Variants in KHDRBS2 observed in about 807,000 individuals in gnomAD.
KHDRBS2 encodes the protein KH RNA binding domain containing, signal transduction associated 2.
In KHDRBS2, 26 loss-of-function variants were observed where a neutral mutation model predicts 44.3. The observed-to-expected ratio is 0.59, with a 90% CI of 0.43 to 0.81. The LOEUF (loss-of-function observed/expected upper bound fraction) is 0.81, where lower values mean the gene tolerates loss of function less well. Ranked by LOEUF, KHDRBS2 falls within the 40% of genes least tolerant of loss-of-function variation. KHDRBS2 has a pLI of 0.00. For missense variants in KHDRBS2, 476 were observed against 433.1 expected, an observed-to-expected ratio of 1.10 and a Z score of -0.88; for synonymous variants, 194 against 151.1, an observed-to-expected ratio of 1.28 and a Z score of -2.08.
At chr6:61,627,301 T>C in the KHDRBS2 span, among the ~76,000 whole-genome samples, 886 of 149,860 alleles carry the variant, frequency 5.9e-3, 11 homozygotes, top group African/African-American at 0.02. Context: ...CTGGTTTTTG[T>C]CTTTGGTCCT....
chr6:62,139,334 CG>C (rs1035956771), intron 2 of KHDRBS2, among the ~76,000 whole-genome samples: 1 of 151,920 alleles, frequency 6.6e-6, no homozygotes, highest in Non-Finnish European at 1.5e-5. Flanking sequence ...AGGTGGATCA[CG>C]AGGTCAGGAG....
At chr6:61,615,537 C>T in the KHDRBS2 span, among the ~76,000 whole-genome samples, 1 of 152,092 alleles carries the variant, frequency 6.6e-6, no homozygotes, top group African/African-American at 2.4e-5. Flanking sequence ...ACTCTCATCC[C>T]TAAAATCAGC....
intron 1 of KHDRBS2, among the ~76,000 whole-genome samples, chr6:62,223,438 G>T (rs143275735): frequency 6.6e-6 from 1 of 152,208 alleles, no homozygotes; most frequent in African/African-American, 2.4e-5. Flanking sequence ...AGGGGCTGCC[G>T]TGAAGACCTA....
intron 6 of KHDRBS2, among the ~76,000 whole-genome samples, chr6:61,834,057 A>G (rs1157884873): frequency 1.3e-5 from 2 of 152,100 alleles, no homozygotes; most frequent in Non-Finnish European, 2.9e-5. Context: ...TTCTAAATGG[A>G]AAATCATTTT....
At chr6:62,214,317 T>C (rs979987938) in intron 1 of KHDRBS2, among the ~76,000 whole-genome samples, 1 of 152,220 alleles carries the variant, frequency 6.6e-6, no homozygotes, top group African/African-American at 2.4e-5. Flanking sequence ...TTAATGATTA[T>C]AACAATGCAG....
rs562770863 is a variant in KHDRBS2 at position 62,143,285 on chromosome 6, T to C, written c.219+33900A>G. ...ATCTATACACCTCCCACAAAAGCTT[T>C]CTTTTCATTAATGATTACACATATT... On this transcript the variant is annotated intron_variant, in intron 2 of 8. Transcript: ENST00000281156. 4.6e-5 allele frequency among the ~76,000 whole-genome samples: 7 copies of C among 152,100 alleles called. No homozygotes were observed. The South Asian group carries it at 6.2e-4, about 14-fold the overall frequency.
chr6:61,841,816 T>G (rs1396314856), intron 6 of KHDRBS2, among the ~76,000 whole-genome samples: 1 of 152,150 alleles, frequency 6.6e-6, no homozygotes, highest in Non-Finnish European at 1.5e-5. Context: ...CTTAAAGAGT[T>G]TTTTTTACAA....
chr6:61,857,455 T>A (rs1796307295), intron 6 of KHDRBS2, among the ~76,000 whole-genome samples: 1 of 151,972 alleles, frequency 6.6e-6, no homozygotes, highest in African/African-American at 2.4e-5. Context: ...GGAGGAAATT[T>A]TTTTTTTCAA....
intron 2 of KHDRBS2, among the ~76,000 whole-genome samples, chr6:62,065,478 T>C (rs924165298): frequency 6.6e-6 from 1 of 151,766 alleles, no homozygotes; most frequent in Non-Finnish European, 1.5e-5. Context: ...TTCATATCCT[T>C]TGTAGGGACA....
At chr6:62,063,120 A>T (rs2127330184) in intron 2 of KHDRBS2, among the ~76,000 whole-genome samples, 1 of 112,816 alleles carries the variant, frequency 8.9e-6, no homozygotes, top group Non-Finnish European at 2.0e-5. Context: ...CAGGATCTGA[A>T]ATTGAGGCAA....
At chr6:62,003,011 T>G (rs1778542186) in intron 3 of KHDRBS2, among the ~76,000 whole-genome samples, 1 of 152,160 alleles carries the variant, frequency 6.6e-6, no homozygotes, top group Admixed American at 6.6e-5. Flanking sequence ...TAGTTAAACC[T>G]AATGTATATA....
the KHDRBS2 span, among the ~76,000 whole-genome samples, chr6:61,641,254 G>T: frequency 0.024 from 3,724 of 152,190 alleles, 70 homozygotes; most frequent in Middle Eastern, 0.088. Flanking sequence ...CTAAAATACA[G>T]CAGTTAGCAT....
At chr6:62,129,263 A>G (rs533440932) in intron 2 of KHDRBS2, among the ~76,000 whole-genome samples, 18 of 152,180 alleles carry the variant, frequency 1.2e-4, no homozygotes, top group Non-Finnish European at 2.2e-4. Context: ...TATAGAAGAC[A>G]CACTGCATTG....
At chr6:61,600,443 C>G in the KHDRBS2 span, among the ~76,000 whole-genome samples, 3 of 152,134 alleles carry the variant, frequency 2.0e-5, no homozygotes, top group Admixed American at 1.3e-4. Flanking sequence ...GAACCCCGCC[C>G]CTGCCAGCCA....
At chr6:62,100,245 A>G (rs1186369861) in intron 2 of KHDRBS2, among the ~76,000 whole-genome samples, 1 of 152,232 alleles carries the variant, frequency 6.6e-6, no homozygotes. Context: ...AATTGTCACA[A>G]TTTTATGATA....
chr6:62,185,223 G>A (rs1399207823), intron 1 of KHDRBS2, among the ~76,000 whole-genome samples: 1 of 151,836 alleles, frequency 6.6e-6, no homozygotes, highest in South Asian at 2.1e-4. Context: ...TTTACCCATC[G>A]TTATAGCCTC....
chr6:61,692,997 C>T (rs1767531447), intron 8 of KHDRBS2, among the ~76,000 whole-genome samples: 1 of 151,988 alleles, frequency 6.6e-6, no homozygotes, highest in Admixed American at 6.6e-5. Context: ...GATACGACCA[C>T]AATGTAACAC....
At chr6:62,183,666 T>C (rs57194347) in intron 1 of KHDRBS2, among the ~76,000 whole-genome samples, 1,557 of 151,728 alleles carry the variant, frequency 0.01, 32 homozygotes, top group African/African-American at 0.035. Flanking sequence ...AACATTTACA[T>C]GCAAGATATA....
At chr6:61,598,581 T>C in the KHDRBS2 span, among the ~76,000 whole-genome samples, 1 of 152,138 alleles carries the variant, frequency 6.6e-6, no homozygotes, top group Non-Finnish European at 1.5e-5. Flanking sequence ...GTAGAAAGAA[T>C]TGCAAATTGG....
Sources: allele counts gnomAD v4.1 joint callset (sites outside exome capture counted in the v4.1 genomes callset), GRCh38; gene constraint gnomAD v4.1.1; transcripts MANE v1.5; gene names NCBI Gene and HGNC (gene_info 2026-07-23, HGNC 2026-07-21).